The following DARS2 variants were observed in gnomAD, a reference collection of about 807,000 sequenced individuals.
DARS2 encodes the protein aspartate--tRNA ligase, mitochondrial.
In DARS2, 63 loss-of-function variants were observed where a neutral mutation model predicts 83.0. The ratio of observed to expected loss-of-function variants is 0.76; its 90% CI spans 0.62 to 0.94. The LOEUF is 0.94. DARS2 is among the 40% of genes least tolerant of loss of function. The probability of loss-of-function intolerance (pLI) is 0.00; values close to 1 mark genes in which losing one functional copy is unlikely to be tolerated. For synonymous variants in DARS2, 250 were observed against 269.3 expected, an observed-to-expected ratio of 0.93 and a Z score of 0.70; for missense variants, 675 against 774.4, an observed-to-expected ratio of 0.87 and a Z score of 1.52.
At chr1:173,845,343 A>G (rs747472643) in intron 12 of DARS2, 52 bp downstream of exon 12, 33 of 1,098,698 alleles carry the variant, frequency 3.0e-5, no homozygotes, top group Non-Finnish European at 4.2e-5. Context: ...CAATATTTTT[A>G]ACTATTATTA....
chr1:173,851,053 C>T (rs958422671), intron 13 of DARS2, among the ~76,000 whole-genome samples: 10 of 151,834 alleles, frequency 6.6e-5, no homozygotes, highest in African/African-American at 2.2e-4. Flanking sequence ...GCCTGTTCAA[C>T]GTGGTGAAAC....
At position 173,825,339 on chromosome 1, in the gene DARS2, C is replaced by G; in HGVS notation, c.110C>G (p.Ser37Ter). The G allele has an allele frequency of 1.2e-6, 2 of 1,613,500 alleles. No individual in the cohort carries two copies. The highest frequency in any genetic ancestry group is 2.2e-5 in the South Asian group (2 of 91,074). The change falls in exon 1 of 17, where the codon TCA (serine) becomes TGA (stop). Residue 37 changes from serine to a stop codon, truncating the protein, a stop_gained. Transcript: ENST00000649689. LOFTEE classifies it high-confidence loss of function. ...GSLYRSLLQS[S>*]QRRIPEFSSF... ...CTCTACAGAAGTCTGTTGCAGAGTTCACAGAGGAGAATTCCAGGTGAAAAT... is the reference window on the plus strand; with the variant it reads ...CTCTACAGAAGTCTGTTGCAGAGTTGACAGAGGAGAATTCCAGGTGAAAAT...
intron 2 of DARS2, among the ~76,000 whole-genome samples, chr1:173,828,117 C>CT (rs929531824): frequency 6.6e-6 from 1 of 151,584 alleles, no homozygotes; most frequent in Admixed American, 6.6e-5. Flanking sequence ...AAAAAACAAT[C>CT]TTTTTTTTGG....
At chr1:173,850,778 G>A (rs761875890) in intron 13 of DARS2, among the ~76,000 whole-genome samples, 8 of 151,622 alleles carry the variant, frequency 5.3e-5, no homozygotes, top group Non-Finnish European at 1.0e-4. Context: ...ACTAATTTTT[G>A]TATTTTAGTA....
chr1:173,828,635 C>T (rs1026984954), intron 3 of DARS2, among the ~76,000 whole-genome samples: 6 of 152,140 alleles, frequency 3.9e-5, no homozygotes, highest in African/African-American at 1.4e-4. Context: ...GGCTTGTAGA[C>T]ATAATGAAAG....
chr1:173,842,284 CTTTTTTTTTTTTTTTTT>C (rs1178547914), intron 11 of DARS2, among the ~76,000 whole-genome samples: 12 of 64,256 alleles, frequency 1.9e-4, no homozygotes, highest in South Asian at 1.3e-3. Context: ...TCATTACTTT[CTTTTTTTTTTTTTTTTT>C]TTTTTTTTTT....
chr1:173,856,097 C>G (rs774749332), intron 15 of DARS2, among the ~76,000 whole-genome samples: 4 of 152,158 alleles, frequency 2.6e-5, no homozygotes, highest in Non-Finnish European at 2.9e-5. Context: ...TAAAAGAGTT[C>G]TAAGCATAAG....
intron 5 of DARS2, among the ~76,000 whole-genome samples, chr1:173,832,153 CTT>C (rs1220206265): frequency 6.6e-6 from 1 of 152,162 alleles, no homozygotes; most frequent in East Asian, 1.9e-4. Context: ...AGTTTATAGA[CTT>C]ATATATTCCT....
chr1:173,857,881 A>G lies in DARS2; in HGVS notation c.*176A>G. 1.4e-6 allele frequency: 1 copy of G among 714,914 alleles called. No individual in the cohort carries two copies. The highest frequency in any genetic ancestry group is 1.8e-5 in the South Asian group (1 of 56,082). 44.3% of individuals were successfully genotyped at this position (714,914 alleles called of 1,614,324 possible). A position where few individuals can be genotyped will look rare whatever the true frequency, so the allele number is the denominator to read the frequency against. ...AACAGATAAAAGATACCCAATTTTGACTTGATTTCATGCATCATTTGGATT... is the reference window on the plus strand; with the variant it reads ...AACAGATAAAAGATACCCAATTTTGGCTTGATTTCATGCATCATTTGGATT... On this transcript the variant is annotated 3_prime_UTR_variant, in exon 17 of 17. Coordinates refer to ENST00000649689, the MANE Select transcript of DARS2 (RefSeq NM_018122.5).
At chr1:173,845,369 T>C in intron 12 of DARS2, 78 bp downstream of exon 12, 1 of 896,132 alleles carries the variant, frequency 1.1e-6, no homozygotes, top group Non-Finnish European at 1.8e-6. Flanking sequence ...ACTATCATTA[T>C]CATTAGTTTT....
intron 5 of DARS2, among the ~76,000 whole-genome samples, chr1:173,832,768 CAAAAAAA>C (rs5779442): frequency 1.9e-5 from 2 of 103,744 alleles, no homozygotes; most frequent in South Asian, 3.3e-4. Context: ...GACTCCATCT[CAAAAAAA>C]AAAAAAAAAA....
intron 5 of DARS2, among the ~76,000 whole-genome samples, chr1:173,832,658 G>A (rs12121028): frequency 0.037 from 5,549 of 151,534 alleles, 155 homozygotes; most frequent in Middle Eastern, 0.088. Context: ...AGTCCCAGCC[G>A]CTCGGGAGGC....
At chr1:173,843,772 C>T (rs1337016571) in intron 11 of DARS2, among the ~76,000 whole-genome samples, 1 of 152,178 alleles carries the variant, frequency 6.6e-6, no homozygotes, top group Non-Finnish European at 1.5e-5. Flanking sequence ...TTGACCACCA[C>T]AGTACACACT....
At chr1:173,849,803 GCTGATATTATTCTCCATTCTT>G in intron 12 of DARS2, among the ~76,000 whole-genome samples, 1 of 150,412 alleles carries the variant, frequency 6.6e-6, no homozygotes, top group East Asian at 2.0e-4. Context: ...TCTCTCATCT[GCTGATATTATTCTCCATTCTT>G]CATCCCCTCC....
intron 9 of DARS2, 152 bp downstream of exon 9, chr1:173,838,411 A>G: frequency 3.1e-6 from 2 of 644,974 alleles, no homozygotes; most frequent in South Asian, 1.9e-5. Flanking sequence ...GAAACTAATT[A>G]TTCTTTTTTT....
intron 10 of DARS2, among the ~76,000 whole-genome samples, chr1:173,840,064 A>G (rs1004944885): frequency 2.6e-5 from 4 of 152,168 alleles, no homozygotes; most frequent in Non-Finnish European, 5.9e-5. Context: ...TGACATTTCT[A>G]TATCTCAGTT....
intron 13 of DARS2, chr1:173,852,121 C>T (rs911115384): frequency 2.0e-5 from 20 of 985,286 alleles, no homozygotes; most frequent in Non-Finnish European, 1.2e-6. Context: ...CATTAACATT[C>T]TGAAAATGTC....
chr1:173,826,719 T>TG lies in DARS2; in HGVS notation c.161dup (p.Cys54TrpfsTer45), dbSNP rs1557852943. The TG allele has an allele frequency of 2.0e-5, 33 of 1,611,952 alleles. No homozygotes were observed. Among genetic ancestry groups the TG allele is most frequent in the Non-Finnish European group, 2.8e-5 (33 of 1,178,950 alleles). On this transcript the variant is annotated frameshift_variant, in exon 2 of 17. Coordinates refer to ENST00000649689, the MANE Select transcript of DARS2 (RefSeq NM_018122.5). LOFTEE classifies it high-confidence loss of function. ...TAGCTTTGTTGTCCGGACCAACACA[T>TG]GTGGAGAGTTGCGTTCGTCTCACTT...
At chr1:173,856,515 TACAC>T in intron 15 of DARS2, 147 bp from the exon 16 acceptor site, 1 of 679,366 alleles carries the variant, frequency 1.5e-6, no homozygotes, top group Admixed American at 2.7e-5. Context: ...ATTTTTTCTT[TACAC>T]TTTTCCAATA....
Sources: gnomAD v4.1 joint callset for allele counts (sites outside exome capture counted in the v4.1 genomes callset) on GRCh38, gnomAD v4.1.1 for gene constraint, MANE v1.5 for transcripts, NCBI Gene and HGNC (gene_info 2026-07-23, HGNC 2026-07-21) for gene names.